Variants in SEPSECS observed in about 807,000 individuals in gnomAD.
SEPSECS encodes the protein Sep (O-phosphoserine) tRNA:Sec (selenocysteine) tRNA synthase, also known as O-phosphoseryl-tRNA(Sec) selenium transferase.
Under a neutral mutation model 52.1 loss-of-function variants are expected in SEPSECS, and 42 were observed. The ratio of observed to expected loss-of-function variants is 0.81; its 90% CI spans 0.63 to 1.04. SEPSECS has a LOEUF of 1.04. Ranked by LOEUF, SEPSECS falls within the 50% of genes least tolerant of loss-of-function variation. SEPSECS has a pLI of 0.00. For synonymous variants in SEPSECS, 216 were observed against 211.4 expected, an observed-to-expected ratio of 1.02 and a Z score of -0.19; for missense variants, 590 against 610.6, an observed-to-expected ratio of 0.97 and a Z score of 0.36.
chr4:25,159,043 A>T lies in SEPSECS; in HGVS notation c.179T>A (p.Ile60Asn). The change falls in exon 2 of 11, where the codon ATC (isoleucine) becomes AAC (asparagine). Residue 60 changes from isoleucine (I) to asparagine (N), a missense_variant. Transcript: ENST00000382103. ...GCCTAAGAAATTGTTGCTGTCCATG[A>T]TTGCAAGTTCATGTAAAAAGAGTTC... ...TLELFLHELA[I>N]MDSNNFLGNC... The T allele has an allele frequency of 6.8e-6, 11 of 1,613,490 alleles. No individual in the cohort carries two copies. The highest frequency in any genetic ancestry group is 9.3e-6 in the Non-Finnish European group (11 of 1,179,764).
chr4:25,127,150 T>C lies in SEPSECS; in HGVS notation c.1120+114A>G, dbSNP rs553809444. ...CAATTTACAAATTAAAATACTGTGA[T>C]GAATTTATAAATATCATTATAACTA... On this transcript the variant is annotated intron_variant, in intron 9 of 10. Transcript: ENST00000382103. 8 of 697,620 alleles carry C rather than the reference T, an allele frequency of 1.1e-5. No homozygotes were observed. In the East Asian group the frequency reaches 2.2e-4, roughly 19 times the overall value. The allele number at this position is 697,620 out of a possible 1,614,324, so 43.2% of individuals were successfully genotyped here. A position where few individuals can be genotyped will look rare whatever the true frequency, so the allele number is the denominator to read the frequency against.
At position 25,123,445 on chromosome 4, in the gene SEPSECS, GAA is replaced by G. The variant is rs143460296; in HGVS notation, c.*484_*485del. The G allele has an allele frequency of 0.015, 2,530 of 170,248 alleles. 31 individuals carry two copies. Among genetic ancestry groups the G allele is most frequent in the Non-Finnish European group, 0.02 (1,590 of 77,984 alleles). 10.5% of individuals were successfully genotyped at this position (170,248 alleles called of 1,614,324 possible). ...AGACCCACTGCTTTTGAGTCAAAACGAAAGTTTATACCTTGACTCTGCTTCCT... is the reference window on the plus strand; with the variant it reads ...AGACCCACTGCTTTTGAGTCAAAACGAGTTTATACCTTGACTCTGCTTCCT... On this transcript the variant is annotated 3_prime_UTR_variant, in exon 11 of 11. Transcript: ENST00000382103.
At chr4:25,157,838 C>A (rs1182061331) in intron 2 of SEPSECS, among the ~76,000 whole-genome samples, 1 of 152,150 alleles carries the variant, frequency 6.6e-6, no homozygotes, top group Non-Finnish European at 1.5e-5. Context: ...AGCCACCGTG[C>A]CCGGCCAAAT....
chr4:25,144,935 C>T (rs183088764), intron 7 of SEPSECS, 69 bp downstream of exon 7: 13 of 1,598,412 alleles, frequency 8.1e-6, no homozygotes. Context: ...AGATTTACTA[C>T]AATAGCCTAT....
In SEPSECS at chr4:25,121,199, G is replaced by C. The variant is rs1728111428; in HGVS notation, c.*2732C>G. 6.6e-6 allele frequency: 1 copy of C among 152,110 alleles called. No homozygotes were observed. The highest frequency in any genetic ancestry group is 1.5e-5 in the Non-Finnish European group (1 of 67,992). 9.4% of individuals were successfully genotyped at this position (152,110 alleles called of 1,614,324 possible). A position where few individuals can be genotyped will look rare whatever the true frequency, so the allele number is the denominator to read the frequency against. ...TGGCGTCACATATCATTCCCTGATA[G>C]AGCGAGAATTCATCAGCAGAGGACC... On this transcript the variant is annotated 3_prime_UTR_variant, in exon 11 of 11. Coordinates refer to ENST00000382103, the MANE Select transcript of SEPSECS (RefSeq NM_016955.4).
chr4:25,151,522 A>C (rs1427310497), intron 6 of SEPSECS, among the ~76,000 whole-genome samples: 1 of 152,226 alleles, frequency 6.6e-6, no homozygotes, highest in Non-Finnish European at 1.5e-5. Context: ...TGATGCTTAA[A>C]AAAAAATACA....
chr4:25,144,742 A>G, intron 8 of SEPSECS, 32 bp downstream of exon 8: 1 of 1,450,884 alleles, frequency 6.9e-7, no homozygotes, highest in South Asian at 1.1e-5. Context: ...TCTAGTCAAG[A>G]ATGTTATTCG....
chr4:25,151,412 T>A (rs911918510), intron 6 of SEPSECS, among the ~76,000 whole-genome samples: 1 of 152,152 alleles, frequency 6.6e-6, no homozygotes, highest in African/African-American at 2.4e-5. Flanking sequence ...AAGGCCTGAA[T>A]ACACAAAGCC....
intron 6 of SEPSECS, among the ~76,000 whole-genome samples, chr4:25,149,271 G>T (rs1298752534): frequency 1.3e-5 from 2 of 151,682 alleles, no homozygotes; most frequent in Non-Finnish European, 2.9e-5. Context: ...TTGCTTTGTT[G>T]CCCAGGGAGG....
intron 3 of SEPSECS, among the ~76,000 whole-genome samples, chr4:25,156,549 C>CA (rs1311033645): frequency 4.0e-5 from 6 of 149,182 alleles, no homozygotes; most frequent in East Asian, 2.0e-4. Context: ...ACTAAAAATA[C>CA]AAAAAAAAAT....
chr4:25,158,554 A>T (rs1246248101), intron 2 of SEPSECS, among the ~76,000 whole-genome samples: 1 of 152,172 alleles, frequency 6.6e-6, no homozygotes, highest in East Asian at 1.9e-4. Flanking sequence ...AACAAAATTT[A>T]AAGTTGATAA....
intron 8 of SEPSECS, among the ~76,000 whole-genome samples, chr4:25,137,455 A>T (rs1728884203): frequency 6.6e-6 from 1 of 152,212 alleles, no homozygotes; most frequent in South Asian, 2.1e-4. Flanking sequence ...ACCAACAAAC[A>T]TATGAAGAAA....
intron 8 of SEPSECS, among the ~76,000 whole-genome samples, chr4:25,134,616 T>A (rs564453940): frequency 2.6e-5 from 4 of 152,146 alleles, no homozygotes; most frequent in African/African-American, 9.7e-5. Context: ...AGTAATTTTT[T>A]AGAAGAGTAC....
At chr4:25,160,470 G>C (rs180677927), upstream of SEPSECS, 10 of 953,714 alleles carry the variant, frequency 1.0e-5, no homozygotes, top group Admixed American at 2.7e-4. Flanking sequence ...CGGTACGGCA[G>C]CGCCTTGGGA....
chr4:25,158,444 T>C (rs746110992), intron 2 of SEPSECS, among the ~76,000 whole-genome samples: 2 of 152,276 alleles, frequency 1.3e-5, no homozygotes, highest in East Asian at 1.9e-4. Flanking sequence ...TCTGCAATAA[T>C]GCAAAAGAAA....
intron 3 of SEPSECS, among the ~76,000 whole-genome samples, chr4:25,156,618 G>A (rs1457955746): frequency 7.3e-6 from 1 of 136,756 alleles, no homozygotes; most frequent in Non-Finnish European, 1.5e-5. Context: ...TGAGGCAGGA[G>A]AATGGCGTGA....
chr4:25,158,959 T>C lies in SEPSECS; in HGVS notation c.263A>G (p.His88Arg), dbSNP rs1283427441. ...RVASALVARR[H>R]YRFIHGIGRS... ...ACTACTTAAAAAAAGATACCTGTAA[T>C]GACGACGAGCAACCAGTGCGGATGC... The change falls in exon 2 of 11, where the codon CAT becomes CGT. Residue 88 changes from histidine to arginine, a missense_variant. Transcript: ENST00000382103. 1.2e-6 allele frequency: 2 copies of C among 1,613,840 alleles called. No homozygotes were observed. Among genetic ancestry groups the C allele is most frequent in the South Asian group, 1.1e-5 (1 of 91,082 alleles).
intron 1 of SEPSECS, 41 bp downstream of exon 1, chr4:25,160,215 C>A: frequency 6.5e-7 from 1 of 1,547,624 alleles, no homozygotes. Context: ...GCCAGAGCCC[C>A]GGGGTCGCGG....
In SEPSECS at chr4:25,120,513, T is replaced by C. The variant is rs1375197165; in HGVS notation, c.*3418A>G. 2 of 152,214 alleles carry C rather than the reference T, an allele frequency of 1.3e-5. No homozygotes were observed. Among genetic ancestry groups the C allele is most frequent in the Non-Finnish European group, 2.9e-5 (2 of 68,002 alleles). 9.4% of individuals were successfully genotyped at this position (152,214 alleles called of 1,614,324 possible). A position where few individuals can be genotyped will look rare whatever the true frequency, so the allele number is the denominator to read the frequency against. ...GAACCTTTTCTTAAAAAGCTGTTAA[T>C]AGCATATTCAATTATTATCAAATTA... is the stretch of plus-strand genomic sequence containing the variant. On this transcript the variant is annotated 3_prime_UTR_variant, in exon 11 of 11. Coordinates refer to ENST00000382103, the MANE Select transcript of SEPSECS (RefSeq NM_016955.4).
Sources: gnomAD v4.1 joint callset for allele counts (sites outside exome capture counted in the v4.1 genomes callset) on GRCh38, gnomAD v4.1.1 for gene constraint, MANE v1.5 for transcripts, NCBI Gene and HGNC (gene_info 2026-07-23, HGNC 2026-07-21) for gene names.